The following IMMP2L variants were observed in gnomAD, a reference collection of about 807,000 sequenced individuals.
IMMP2L encodes mitochondrial inner membrane protease subunit 2.
In IMMP2L, 18 loss-of-function variants were observed where a neutral mutation model predicts 19.3. That is an observed-to-expected ratio of 0.93 (90% CI 0.64 to 1.38). The LOEUF is 1.38. IMMP2L is among the 40% of genes most tolerant of loss of function. The pLI is 0.00. For missense variants in IMMP2L, 233 were observed against 218.2 expected (o/e 1.07, Z -0.43); for synonymous variants, 76 against 73.0 (o/e 1.04, Z -0.21).
intron 5 of IMMP2L, among the ~76,000 whole-genome samples, chr7:110,677,995 A>T (rs1342443568): frequency 1.3e-5 from 2 of 152,130 alleles, no homozygotes; most frequent in African/African-American, 4.8e-5. Context: ...AAGACCCAGC[A>T]TCATTTTCTT....
intron 3 of IMMP2L, chr7:111,124,223 A>G: frequency 6.2e-7 from 1 of 1,613,970 alleles, no homozygotes; most frequent in Non-Finnish European, 8.5e-7. Context: ...CTAGATATAA[A>G]TGGCGTAACT....
At chr7:110,777,846 A>G (rs1323971214) in intron 5 of IMMP2L, among the ~76,000 whole-genome samples, 6 of 152,006 alleles carry the variant, frequency 3.9e-5, no homozygotes, top group Admixed American at 3.9e-4. Flanking sequence ...AATCTAATTA[A>G]TTATTTTAAG....
rs116707636 is a variant in IMMP2L at position 111,417,319 on chromosome 7, G to T, written c.239+69919C>A. Among the ~76,000 whole-genome samples, 1,375 of 151,876 alleles carry T rather than the reference G, an allele frequency of 9.1e-3. 57 individuals are homozygous for T. Among genetic ancestry groups the T allele is most frequent in the African/African-American group, 0.031 (1,299 of 41,246 alleles). ...TTCTCCACCAATCTCCTGTTGTCGG[G>T]TGGAGGGCGTCACAGTGAGCAACCT... On this transcript the variant is annotated intron_variant, in intron 3 of 5. Transcript: ENST00000405709.
intron 3 of IMMP2L, among the ~76,000 whole-genome samples, chr7:110,965,587 G>C (rs1167261371): frequency 2.0e-5 from 3 of 151,912 alleles, no homozygotes; most frequent in African/African-American, 7.2e-5. Context: ...CAGCTGAAGT[G>C]AGGGGTATGG....
chr7:111,273,021 T>A (rs1818640326), intron 3 of IMMP2L, among the ~76,000 whole-genome samples: 1 of 152,104 alleles, frequency 6.6e-6, no homozygotes, highest in African/African-American at 2.4e-5. Flanking sequence ...CAGCATCCTG[T>A]AATCTCAGCA....
chr7:111,469,924 A>G (rs1301786607), intron 3 of IMMP2L, among the ~76,000 whole-genome samples: 5 of 152,168 alleles, frequency 3.3e-5, no homozygotes, highest in African/African-American at 1.2e-4. Flanking sequence ...AACTACCATC[A>G]GAGTCAACAG....
chr7:111,129,652 C>T (rs1801662721), intron 3 of IMMP2L, among the ~76,000 whole-genome samples: 2 of 152,076 alleles, frequency 1.3e-5, no homozygotes, highest in Admixed American at 1.3e-4. Flanking sequence ...GAAACAGCTA[C>T]AATCAGTATC....
chr7:111,224,255 C>A (rs571727887), intron 3 of IMMP2L, among the ~76,000 whole-genome samples: 1 of 152,152 alleles, frequency 6.6e-6, no homozygotes, highest in East Asian at 1.9e-4. Flanking sequence ...ATTATTCTGA[C>A]CCTTTCAGAA....
At chr7:111,002,566 T>C (rs74948258) in intron 3 of IMMP2L, among the ~76,000 whole-genome samples, 126 of 152,268 alleles carry the variant, frequency 8.3e-4, no homozygotes, top group Middle Eastern at 3.4e-3. Context: ...TCAGAGGCTA[T>C]AATGAGAAGG....
At position 111,026,843 on chromosome 7, in the gene IMMP2L, A is replaced by T. The variant is rs187170740; in HGVS notation, c.240-63278T>A. Reference sequence around the variant, plus strand: ...GGATTAAGTAGTTGTATACAGTTGTAGTGTAATGTGGGGGTAGATAATGCT... The same window carrying T: ...GGATTAAGTAGTTGTATACAGTTGTTGTGTAATGTGGGGGTAGATAATGCT... On this transcript the variant is annotated intron_variant, in intron 3 of 5. Coordinates refer to ENST00000405709, the MANE Select transcript of IMMP2L (RefSeq NM_032549.4). Among the ~76,000 whole-genome samples the T allele has an allele frequency of 2.4e-4, 36 of 152,252 alleles. 1 individual carries two copies. Among genetic ancestry groups the T allele is most frequent in the African/African-American group, 7.5e-4 (31 of 41,558 alleles).
At chr7:111,445,934 G>A (rs1458430470) in intron 3 of IMMP2L, among the ~76,000 whole-genome samples, 1 of 152,198 alleles carries the variant, frequency 6.6e-6, no homozygotes, top group African/African-American at 2.4e-5. Context: ...CCTAGTCAAA[G>A]AAAGGGGTGA....
intron 3 of IMMP2L, among the ~76,000 whole-genome samples, chr7:111,467,207 T>C (rs943320620): frequency 6.6e-6 from 1 of 152,144 alleles, no homozygotes; most frequent in Non-Finnish European, 1.5e-5. Flanking sequence ...TCACCCAATC[T>C]CTATGTGCCT....
chr7:111,475,093 C>T lies in IMMP2L; in HGVS notation c.239+12145G>A, dbSNP rs113435376. 3.5e-3 allele frequency among the ~76,000 whole-genome samples: 529 copies of T among 152,174 alleles called. 5 individuals carry two copies. The highest frequency in any genetic ancestry group is 5.4e-3 in the Non-Finnish European group (368 of 67,988). On this transcript the variant is annotated intron_variant, in intron 3 of 5. Coordinates refer to ENST00000405709, the MANE Select transcript of IMMP2L (RefSeq NM_032549.4). ...AAGCCAGCTTCTTCAACAGCAGTTC[C>T]AACATCCATACAATTTTTAATAAAG...
chr7:111,069,295 G>C (rs1006083897), intron 3 of IMMP2L, among the ~76,000 whole-genome samples: 1 of 152,130 alleles, frequency 6.6e-6, no homozygotes, highest in African/African-American at 2.4e-5. Flanking sequence ...GCAAGCTGCA[G>C]TAGAAATGTT....
intron 3 of IMMP2L, among the ~76,000 whole-genome samples, chr7:110,968,821 C>T (rs566471992): frequency 1.9e-4 from 29 of 152,134 alleles, no homozygotes; most frequent in African/African-American, 6.3e-4. Flanking sequence ...TGAGAGAAAA[C>T]GCATAAAAGG....
chr7:111,097,793 A>G (rs1171638421), intron 3 of IMMP2L, among the ~76,000 whole-genome samples: 3 of 151,918 alleles, frequency 2.0e-5, no homozygotes, highest in Non-Finnish European at 4.4e-5. Flanking sequence ...AAAGTATTCA[A>G]CATCTGTAGA....
At chr7:111,464,539 C>T (rs879279610) in intron 3 of IMMP2L, among the ~76,000 whole-genome samples, 1 of 152,102 alleles carries the variant, frequency 6.6e-6, no homozygotes, top group South Asian at 2.1e-4. Context: ...GAAATATATG[C>T]CAAATTACTT....
At chr7:110,986,447 T>C (rs936980603) in intron 3 of IMMP2L, among the ~76,000 whole-genome samples, 2 of 152,106 alleles carry the variant, frequency 1.3e-5, no homozygotes, top group African/African-American at 2.4e-5. Context: ...AAAGAGGCCA[T>C]TAAAAATGGA....
At chr7:111,349,110 T>C (rs1333092933) in intron 3 of IMMP2L, among the ~76,000 whole-genome samples, 1 of 152,094 alleles carries the variant, frequency 6.6e-6, no homozygotes, top group Non-Finnish European at 1.5e-5. Flanking sequence ...AAAAAAATGA[T>C]TTCAGAGCTC....
Sources: allele counts gnomAD v4.1 joint callset (sites outside exome capture counted in the v4.1 genomes callset), GRCh38; gene constraint gnomAD v4.1.1; transcripts MANE v1.5; gene names NCBI Gene and HGNC (gene_info 2026-07-23, HGNC 2026-07-21).